CCDC74A: variants seen among roughly 807,000 people sequenced by gnomAD.
CCDC74A encodes the protein coiled-coil domain-containing protein 74A.
In CCDC74A, 38 loss-of-function variants were observed where a neutral mutation model predicts 37.6. The observed-to-expected ratio is 1.01, with a 90% CI of 0.78 to 1.33. The LOEUF is 1.33. Ranked by LOEUF, CCDC74A falls within the 40% of genes most tolerant of loss-of-function variation. CCDC74A has a pLI of 0.00. For missense variants in CCDC74A, 340 were observed against 403.4 expected (o/e 0.84, Z 1.35); for synonymous variants, 134 against 165.2 (o/e 0.81, Z 1.45).
Position 131,528,161 on chromosome 2 carries a change from A to G in CCDC74A, c.191A>G (p.His64Arg). The part of the protein sequence containing the change: ...EKSLQFLQQQ[H>R]SEMLAKLHEE... ...AGCCTGCAGTTCCTGCAGCAGCAGC[A>G]CTCGGAGATGCTGGCCAAGCTCCAT... Residue 64 changes from histidine to arginine, a missense_variant, in exon 1 of 8, where the codon CAC (histidine) becomes CGC (arginine). This residue lies in a region of CCDC74A where 154 missense variants were observed against 153.9 expected (regional missense o/e 1.00). Coordinates refer to ENST00000409856, the MANE Select transcript of CCDC74A (RefSeq NM_001258306.3). The G allele has an allele frequency of 6.2e-7, 1 of 1,613,874 alleles. No homozygotes were observed. Among genetic ancestry groups the G allele is most frequent in the Non-Finnish European group, 8.5e-7 (1 of 1,179,822 alleles).
chr2:131,530,443 C>G (rs1297492231), intron 2 of CCDC74A: 1 of 1,545,892 alleles, frequency 6.5e-7, no homozygotes, highest in Non-Finnish European at 8.7e-7. Context: ...CTCCAGTGAG[C>G]TGTTCTGGGC....
At chr2:131,529,542 G>A (rs1680850591) in intron 1 of CCDC74A, 105 bp from the exon 2 acceptor site, 2 of 1,481,104 alleles carry the variant, frequency 1.4e-6, no homozygotes, top group South Asian at 2.3e-5. Context: ...CCAGTGGGGG[G>A]GCAGGACTTT....
chr2:131,530,784 C>G lies in CCDC74A; in HGVS notation c.303C>G (p.Leu101=). The change falls in exon 3 of 8, where the codon CTC becomes CTG. Residue 101 remains leucine, a synonymous_variant. Coordinates refer to ENST00000409856, the MANE Select transcript of CCDC74A (RefSeq NM_001258306.3). ...MNQTSQKKDS[L]SMSSFQSVKS... ...CTGTGCGCTCTCCTGCAGACAGCCT[C>G]TCCATGTCAAGCTTCCAGTCTGTCA... 1.2e-6 allele frequency: 2 copies of G among 1,600,196 alleles called. No individual in the cohort carries two copies. Among genetic ancestry groups the G allele is most frequent in the Non-Finnish European group, 1.7e-6 (2 of 1,177,698 alleles).
chr2:131,528,775 C>A (rs1437433685), intron 1 of CCDC74A: 3 of 356,128 alleles, frequency 8.4e-6, no homozygotes, highest in African/African-American at 2.1e-5. Flanking sequence ...CTTGCGACTG[C>A]ACTCCAGCCT....
Position 131,527,932 on chromosome 2 carries a change from G to C in CCDC74A, c.-39G>C. 7.1e-7 allele frequency: 1 copy of C among 1,406,080 alleles called. No individual in the cohort carries two copies. The highest frequency in any genetic ancestry group is 9.3e-7 in the Non-Finnish European group (1 of 1,074,950). 87.1% of individuals were successfully genotyped at this position (1,406,080 alleles called of 1,614,324 possible). ...CTAGGGCGGCCTGGCCACTGAGCCG[G>C]GGTGCAGTGGCAGCGGGAGAGTACC... On this transcript the variant is annotated 5_prime_UTR_variant, in exon 1 of 8. Coordinates refer to ENST00000409856, the MANE Select transcript of CCDC74A (RefSeq NM_001258306.3).
At chr2:131,528,447 C>CA (rs1430653531) in intron 1 of CCDC74A, 1 of 1,549,818 alleles carries the variant, frequency 6.5e-7, no homozygotes, top group Non-Finnish European at 8.7e-7. Flanking sequence ...CGTAGGGCAG[C>CA]AGCATTTCAG....
At chr2:131,527,482 G>A (rs956385683), upstream of CCDC74A, among the ~76,000 whole-genome samples, 5 of 152,002 alleles carry the variant, frequency 3.3e-5, no homozygotes, top group Non-Finnish European at 7.4e-5. Context: ...ATTCAGGCTG[G>A]AAAGGATGCC....
At chr2:131,526,344 A>T (rs1238866956), upstream of CCDC74A, among the ~76,000 whole-genome samples, 1 of 151,680 alleles carries the variant, frequency 6.6e-6, no homozygotes, top group Non-Finnish European at 1.5e-5. Flanking sequence ...ATGGGATATC[A>T]CCATGTTGGC....
upstream of CCDC74A, among the ~76,000 whole-genome samples, chr2:131,524,945 C>CA (rs1326838596): frequency 3.3e-5 from 5 of 150,290 alleles, no homozygotes; most frequent in Non-Finnish European, 7.4e-5. Flanking sequence ...CCTGTAATCC[C>CA]AGTTACTAGG....
upstream of CCDC74A, among the ~76,000 whole-genome samples, chr2:131,526,409 A>T (rs1680325767): frequency 6.6e-6 from 1 of 152,182 alleles, no homozygotes; most frequent in Non-Finnish European, 1.5e-5. Flanking sequence ...GGCCTCCCAA[A>T]GTGCTGGGAT....
intron 7 of CCDC74A, 91 bp downstream of exon 7, chr2:131,533,160 A>C: frequency 6.2e-7 from 1 of 1,607,640 alleles, no homozygotes; most frequent in Non-Finnish European, 8.5e-7. Flanking sequence ...GCGCAGAAGC[A>C]GAGCTCGCTG....
At chr2:131,527,588 C>T (rs919277691), upstream of CCDC74A, 23 of 209,066 alleles carry the variant, frequency 1.1e-4, no homozygotes, top group Admixed American at 1.8e-4. Flanking sequence ...CTCTGCCTCC[C>T]GGTTCAAGCT....
At chr2:131,524,758 G>A (rs537302660), upstream of CCDC74A, among the ~76,000 whole-genome samples, 7 of 151,908 alleles carry the variant, frequency 4.6e-5, no homozygotes, top group South Asian at 2.1e-4. Flanking sequence ...TTTAGGACTA[G>A]GACATTCAAA....
At chr2:131,527,635 C>G (rs1043223393), upstream of CCDC74A, 4 of 296,258 alleles carry the variant, frequency 1.4e-5, no homozygotes, top group African/African-American at 6.6e-5. Flanking sequence ...GCTGGGATTA[C>G]TGGCTCCCGC....
Position 131,527,967 on chromosome 2 carries a change from C to G in CCDC74A, c.-4C>G, listed in dbSNP as rs746160357. 3.5e-5 allele frequency: 50 copies of G among 1,434,796 alleles called. No individual in the cohort carries two copies. The African/African-American group carries it at 6.7e-4, about 19-fold the overall frequency. The allele number at this position is 1,434,796 out of a possible 1,614,324, so 88.9% of individuals were successfully genotyped here. ...GCAGCGGGAGAGTACCTGGCGATGG[C>G]GATATGAGCGGTGCGGGGGTGGCGG... is the stretch of plus-strand genomic sequence containing the variant. On this transcript the variant is annotated 5_prime_UTR_variant, in exon 1 of 8. Coordinates refer to ENST00000409856, the MANE Select transcript of CCDC74A (RefSeq NM_001258306.3).
upstream of CCDC74A, among the ~76,000 whole-genome samples, chr2:131,523,585 C>A (rs1680201377): frequency 6.6e-6 from 1 of 152,148 alleles, no homozygotes; most frequent in Non-Finnish European, 1.5e-5. Context: ...CGAGATCGCA[C>A]CACTGTACTC....
chr2:131,525,327 C>T, upstream of CCDC74A, among the ~76,000 whole-genome samples: 1 of 152,090 alleles, frequency 6.6e-6, no homozygotes, highest in East Asian at 1.9e-4. Context: ...TCATGGCTCG[C>T]TGCATCTCAG....
upstream of CCDC74A, among the ~76,000 whole-genome samples, chr2:131,527,107 T>G (rs1206493025): frequency 6.6e-6 from 1 of 151,336 alleles, no homozygotes; most frequent in East Asian, 1.9e-4. Context: ...TTAAATTTAT[T>G]TATTTATTTA....
chr2:131,529,029 C>T (rs1559408120), intron 1 of CCDC74A, among the ~76,000 whole-genome samples: 2 of 150,254 alleles, frequency 1.3e-5, no homozygotes, highest in Admixed American at 1.3e-4. Flanking sequence ...TTCTCCCTCC[C>T]TCCTCCCCCA....
Sources: gnomAD v4.1 joint callset for allele counts (sites outside exome capture counted in the v4.1 genomes callset) on GRCh38, gnomAD v4.1.1 for gene constraint, gnomAD v4.1.1 regional missense constraint, MANE v1.5 for transcripts, NCBI Gene and HGNC (gene_info 2026-07-23, HGNC 2026-07-21) for gene names.